Variants in RMDN2 observed in about 807,000 individuals in gnomAD.
RMDN2 encodes regulator of microtubule dynamics 2.
In RMDN2, 61 loss-of-function variants were observed where a neutral mutation model predicts 52.8. The ratio of observed to expected loss-of-function variants is 1.16; its 90% confidence interval spans 0.94 to 1.43. RMDN2 has a LOEUF of 1.43. RMDN2 is among the 40% of genes most tolerant of loss of function. The pLI, the probability that RMDN2 is intolerant of heterozygous loss-of-function variation, is 0.00. For synonymous variants in RMDN2, 180 were observed against 153.1 expected, an observed-to-expected ratio of 1.18 and a Z score of -1.30; for missense variants, 592 against 475.3, an observed-to-expected ratio of 1.25 and a Z score of -2.28.
At chr2:38,017,777 A>C (rs1286624863), downstream of RMDN2, 1 of 282,802 alleles carries the variant, frequency 3.5e-6, no homozygotes, top group African/African-American at 2.3e-5. Context: ...TGAAGAGACC[A>C]CCAAACAGGC....
chr2:37,997,041 T>A (rs1192215552), intron 7 of RMDN2, among the ~76,000 whole-genome samples: 1 of 152,052 alleles, frequency 6.6e-6, no homozygotes, highest in Non-Finnish European at 1.5e-5. Context: ...TACGAAGAGA[T>A]ACACCGTAGT....
At chr2:38,024,479 G>T (rs1573156881) in intron 10 of RMDN2, among the ~76,000 whole-genome samples, 1 of 152,028 alleles carries the variant, frequency 6.6e-6, no homozygotes, top group African/African-American at 2.4e-5. Context: ...TACTGCACTA[G>T]GCATGTAGTA....
rs569970699 is a variant in RMDN2, at chr2:37,993,345, G to A, written c.945+2048G>A. Among the ~76,000 whole-genome samples the A allele has an allele frequency of 4.6e-5, 7 of 152,252 alleles. No homozygotes were observed. In the East Asian group the frequency reaches 1.4e-3, roughly 29 times the overall value. ...AAGTTGGAACTCTTTCCACCAGGGG[G>A]AATCAGCTTCCGCCAAGGTAATAAA... is the stretch of plus-strand genomic sequence containing the variant. On this transcript the variant is annotated intron_variant, in intron 7 of 10. Transcript: ENST00000354545.
intron 2 of RMDN2, among the ~76,000 whole-genome samples, chr2:37,940,102 G>A (rs1667654076): frequency 6.6e-6 from 1 of 152,128 alleles, no homozygotes; most frequent in African/African-American, 2.4e-5. Context: ...CTCAGCATTT[G>A]CTTGTCTGTA....
chr2:37,997,241 T>C (rs1479075516), intron 7 of RMDN2, among the ~76,000 whole-genome samples, 175 bp from the exon 8 acceptor site: 1 of 152,178 alleles, frequency 6.6e-6, no homozygotes, highest in Non-Finnish European at 1.5e-5. Context: ...ATGAATACCA[T>C]GAGGGTGGTA....
At chr2:37,934,742 A>G (rs1667146656) in intron 2 of RMDN2, among the ~76,000 whole-genome samples, 1 of 152,062 alleles carries the variant, frequency 6.6e-6, no homozygotes, top group Non-Finnish European at 1.5e-5. Flanking sequence ...TCTTAAGGTC[A>G]CTAGTTCACA....
At position 38,012,310 on chromosome 2, in the gene RMDN2, A is replaced by G. The variant is rs150109856; in HGVS notation, c.1180-4876A>G. Among the ~76,000 whole-genome samples, 108 of 152,268 alleles carry G rather than the reference A, an allele frequency of 7.1e-4. No individual in the cohort carries two copies. In the Middle Eastern group the frequency reaches 0.01, roughly 14 times the overall value. On this transcript the variant is annotated intron_variant, in intron 10 of 10. Transcript: ENST00000354545. ...CTATACTTTTCCTTGCTATCATTTCACACAGTTATTATGTCATTATTAATG... is the reference window on the plus strand; with the variant it reads ...CTATACTTTTCCTTGCTATCATTTCGCACAGTTATTATGTCATTATTAATG...
intron 10 of RMDN2, among the ~76,000 whole-genome samples, chr2:38,007,173 T>C (rs940664934): frequency 2.0e-5 from 3 of 152,338 alleles, no homozygotes; most frequent in East Asian, 1.9e-4. Flanking sequence ...TCTCTTTTTT[T>C]GTTGTATCTC....
intron 10 of RMDN2, among the ~76,000 whole-genome samples, chr2:38,029,195 A>C (rs571640276): frequency 2.8e-4 from 42 of 152,140 alleles, no homozygotes; most frequent in Non-Finnish European, 4.7e-4. Flanking sequence ...CCCCAACTGC[A>C]CACACACACT....
At chr2:37,950,608 A>G (rs763933746) in intron 2 of RMDN2, 1 of 1,612,584 alleles carries the variant, frequency 6.2e-7, no homozygotes, top group Admixed American at 1.7e-5. Flanking sequence ...AAGCCTTAGA[A>G]AAAAACTTCA....
At chr2:37,936,089 C>A (rs1052434528) in intron 2 of RMDN2, among the ~76,000 whole-genome samples, 31 of 152,256 alleles carry the variant, frequency 2.0e-4, no homozygotes, top group African/African-American at 7.5e-4. Context: ...GTGATGTTCC[C>A]CTCCCTGTGT....
chr2:37,991,194 G>T lies in RMDN2; in HGVS notation c.868-26G>T, dbSNP rs570434637. The T allele has an allele frequency of 2.2e-5, 31 of 1,399,384 alleles. No individual in the cohort carries two copies. The African/African-American group carries it at 3.3e-4, about 15-fold the overall frequency. The allele number at this position is 1,399,384 out of a possible 1,614,324, so 86.7% of individuals were successfully genotyped here. A position where few individuals can be genotyped will look rare whatever the true frequency, so the allele number is the denominator to read the frequency against. ...CAACAATATCTGAAACTTGGGAGATGATTTTCCTTTGGATGCTTTTTTCAG... is the reference window on the plus strand; with the variant it reads ...CAACAATATCTGAAACTTGGGAGATTATTTTCCTTTGGATGCTTTTTTCAG... On this transcript the variant is annotated intron_variant, in intron 6 of 10. Transcript: ENST00000354545.
At chr2:37,967,787 T>G (rs1671260924) in intron 2 of RMDN2, among the ~76,000 whole-genome samples, 1 of 152,218 alleles carries the variant, frequency 6.6e-6, no homozygotes, top group African/African-American at 2.4e-5. Flanking sequence ...TTGGCTCTTT[T>G]CAACTTTTGT....
At chr2:38,036,483 C>T (rs1680587899) in intron 10 of RMDN2, 1 of 152,264 alleles carries the variant, frequency 6.6e-6, no homozygotes, top group Non-Finnish European at 1.5e-5. Context: ...TAGCAAGAGT[C>T]CACATACCCC....
rs1678955437 is a variant in RMDN2 at position 38,017,420 on chromosome 2, G to A, written c.*181G>A. On this transcript the variant is annotated 3_prime_UTR_variant, in exon 11 of 11. Transcript: ENST00000354545. ...CACTACAAAATTAATTATGTTATTT[G>A]GAGAATCTATATACTATAATGTCAA... is the stretch of plus-strand genomic sequence containing the variant. 2 of 1,293,194 alleles carry A rather than the reference G, an allele frequency of 1.5e-6. No individual in the cohort carries two copies. Among genetic ancestry groups the A allele is most frequent in the East Asian group, 5.9e-5 (2 of 34,180 alleles). The allele number at this position is 1,293,194 out of a possible 1,614,324, so 80.1% of individuals were successfully genotyped here.
At chr2:38,020,593 C>T (rs1371956276), downstream of RMDN2, among the ~76,000 whole-genome samples, 1 of 152,208 alleles carries the variant, frequency 6.6e-6, no homozygotes, top group African/African-American at 2.4e-5. Flanking sequence ...GCTTGGCGGG[C>T]CCCACACTGG....
chr2:37,974,068 G>T lies in RMDN2; in HGVS notation c.481G>T (p.Glu161Ter), dbSNP rs370299181. ...GYITANTDTE[E>*]QSFPVPKAFN... ...TATTACAGCTAATACTGACACAGAA[G>T]AACAGAGTTTTCCAGTCCCTAAGGC... Residue 161 changes from glutamate (E) to a stop codon, truncating the protein, a stop_gained, in exon 3 of 11, where the codon GAA becomes TAA. Coordinates refer to ENST00000354545, the MANE Select transcript of RMDN2 (RefSeq NM_001170791.3). LOFTEE classifies it high-confidence loss of function. 6.2e-7 allele frequency: 1 copy of T among 1,610,722 alleles called. No individual in the cohort carries two copies. Among genetic ancestry groups the T allele is most frequent in the East Asian group, 2.2e-5 (1 of 44,660 alleles).
At chr2:37,996,471 A>G (rs937208293) in intron 7 of RMDN2, among the ~76,000 whole-genome samples, 2 of 151,730 alleles carry the variant, frequency 1.3e-5, no homozygotes, top group Non-Finnish European at 2.9e-5. Context: ...TGTAGTTCCA[A>G]CTGTTCAGGA....
chr2:37,932,761 G>A (rs1397570927), intron 2 of RMDN2, among the ~76,000 whole-genome samples: 7 of 144,284 alleles, frequency 4.9e-5, no homozygotes, highest in African/African-American at 1.8e-4. Flanking sequence ...CAGTAGGGGC[G>A]GCCGGGCAGA....
Sources: allele counts gnomAD v4.1 joint callset (sites outside exome capture counted in the v4.1 genomes callset), GRCh38; gene constraint gnomAD v4.1.1; transcripts MANE v1.5; gene names NCBI Gene and HGNC (gene_info 2026-07-23, HGNC 2026-07-21).